The following STXBP5L variants were observed in gnomAD, a reference collection of about 807,000 sequenced individuals.
STXBP5L encodes syntaxin binding protein 5L, also known as syntaxin-binding protein 5-like.
In STXBP5L, 65 loss-of-function variants were observed where a neutral mutation model predicts 144.5. The observed-to-expected ratio is 0.45, with a 90% confidence interval of 0.37 to 0.55. The LOEUF is 0.55. Ranked by LOEUF, STXBP5L falls within the 20% of genes least tolerant of loss-of-function variation. The probability of loss-of-function intolerance (pLI) is 0.00; values close to 1 mark genes in which losing one functional copy is unlikely to be tolerated. For synonymous variants in STXBP5L, 505 were observed against 469.6 expected (o/e 1.08, Z -0.97); for missense variants, 1,298 against 1,405.5 (o/e 0.92, Z 1.22).
At chr3:121,416,286 C>CA (rs1380197353) in intron 25 of STXBP5L, among the ~76,000 whole-genome samples, 1 of 151,212 alleles carries the variant, frequency 6.6e-6, no homozygotes, top group Non-Finnish European at 1.5e-5. Context: ...TGAAGGTATT[C>CA]AAAAAAGTCT....
At chr3:121,246,761 A>G (rs571886721) in intron 14 of STXBP5L, among the ~76,000 whole-genome samples, 2 of 152,348 alleles carry the variant, frequency 1.3e-5, no homozygotes, top group South Asian at 4.1e-4. Context: ...AAAAAGGAAC[A>G]AATTATTAAT....
intron 12 of STXBP5L, 100 bp from the exon 13 acceptor site, chr3:121,238,871 T>G (rs1396313364): frequency 3.4e-6 from 4 of 1,189,694 alleles, no homozygotes; most frequent in Admixed American, 3.7e-5. Flanking sequence ...AAGCAAAATT[T>G]ATAGTGATGT....
chr3:120,985,359 A>G (rs1013617450), intron 3 of STXBP5L, among the ~76,000 whole-genome samples: 11 of 152,208 alleles, frequency 7.2e-5, no homozygotes, highest in Admixed American at 2.0e-4. Flanking sequence ...GTATGTATAC[A>G]TGGCAAAATG....
At chr3:121,125,383 A>T (rs2044659354) in intron 7 of STXBP5L, among the ~76,000 whole-genome samples, 1 of 152,050 alleles carries the variant, frequency 6.6e-6, no homozygotes, top group South Asian at 2.1e-4. Context: ...AAGCAAGAGA[A>T]TTGCTTGAAC....
intron 19 of STXBP5L, among the ~76,000 whole-genome samples, chr3:121,297,410 C>T (rs536403814): frequency 2.3e-4 from 35 of 152,054 alleles, no homozygotes; most frequent in African/African-American, 8.2e-4. Context: ...CCATAGAGAC[C>T]CAAATTGAAA....
chr3:120,983,967 G>A (rs1371241502), intron 3 of STXBP5L, among the ~76,000 whole-genome samples: 1 of 152,184 alleles, frequency 6.6e-6, no homozygotes, highest in East Asian at 1.9e-4. Flanking sequence ...TCTTAACTGT[G>A]GCATCCCTGG....
At chr3:120,975,752 A>G (rs1940909539) in intron 3 of STXBP5L, among the ~76,000 whole-genome samples, 1 of 152,146 alleles carries the variant, frequency 6.6e-6, no homozygotes, top group South Asian at 2.1e-4. Flanking sequence ...TTTTAGCATG[A>G]AGAGTTGTTG....
At chr3:121,059,833 C>G (rs922412790) in intron 5 of STXBP5L, among the ~76,000 whole-genome samples, 1 of 152,150 alleles carries the variant, frequency 6.6e-6, no homozygotes, top group Non-Finnish European at 1.5e-5. Context: ...TATTCTGAGA[C>G]TTTGCTTAAG....
chr3:121,389,983 G>A (rs2046535506), intron 22 of STXBP5L, among the ~76,000 whole-genome samples: 1 of 152,170 alleles, frequency 6.6e-6, no homozygotes, highest in Non-Finnish European at 1.5e-5. Context: ...GTTGACAGTG[G>A]GGTGTTAAAG....
intron 5 of STXBP5L, among the ~76,000 whole-genome samples, chr3:121,064,672 AT>A (rs796264616): frequency 1.7e-4 from 26 of 152,010 alleles, no homozygotes; most frequent in Admixed American, 2.0e-4. Flanking sequence ...ACATTTATAG[AT>A]TTTTTTGTAG....
intron 3 of STXBP5L, among the ~76,000 whole-genome samples, chr3:121,010,219 A>T (rs185845643): frequency 6.6e-5 from 10 of 151,898 alleles, no homozygotes; most frequent in African/African-American, 2.4e-4. Context: ...GTACATAATT[A>T]TTTAGGTAAA....
At chr3:121,091,594 T>C (rs1333285267) in intron 5 of STXBP5L, among the ~76,000 whole-genome samples, 3 of 152,236 alleles carry the variant, frequency 2.0e-5, no homozygotes, top group Non-Finnish European at 4.4e-5. Context: ...GAAGTGTATG[T>C]TCATGTCCTT....
At chr3:120,916,627 CTT>C in intron 2 of STXBP5L, among the ~76,000 whole-genome samples, 1 of 152,090 alleles carries the variant, frequency 6.6e-6, no homozygotes, top group East Asian at 1.9e-4. Context: ...ATAAATATCT[CTT>C]TGAATTGACA....
At chr3:120,944,432 AAGTT>A (rs1710737857) in intron 2 of STXBP5L, among the ~76,000 whole-genome samples, 1 of 151,732 alleles carries the variant, frequency 6.6e-6, no homozygotes, top group South Asian at 2.1e-4. Flanking sequence ...GAAGAGAAAA[AAGTT>A]AGATATAAAA....
At chr3:121,190,677 G>T (rs1376956485) in intron 9 of STXBP5L, among the ~76,000 whole-genome samples, 1 of 151,874 alleles carries the variant, frequency 6.6e-6, no homozygotes, top group Non-Finnish European at 1.5e-5. Flanking sequence ...CTGGCTGGGC[G>T]GCGGCTGCCC....
chr3:120,970,121 C>T (rs540073272), intron 3 of STXBP5L, among the ~76,000 whole-genome samples: 63 of 152,046 alleles, frequency 4.1e-4, no homozygotes, highest in Admixed American at 5.9e-4. Context: ...TTTCAGTTTA[C>T]GTCTTTTTAT....
At chr3:120,982,377 G>T (rs1169931765) in intron 3 of STXBP5L, among the ~76,000 whole-genome samples, 1 of 152,212 alleles carries the variant, frequency 6.6e-6, no homozygotes, top group Admixed American at 6.5e-5. Context: ...CATCAGCACT[G>T]ACATGAGTGG....
intron 10 of STXBP5L, among the ~76,000 whole-genome samples, chr3:121,220,798 G>C (rs1423146074): frequency 6.6e-6 from 1 of 152,004 alleles, no homozygotes; most frequent in African/African-American, 2.4e-5. Flanking sequence ...GTACTCACTA[G>C]CTGCTTGACC....
rs529646922 is a variant in STXBP5L at position 121,343,268 on chromosome 3, G to A, written c.2176+24728G>A. Among the ~76,000 whole-genome samples the A allele has an allele frequency of 2.0e-3, 298 of 151,944 alleles. 5 individuals carry two copies. Among genetic ancestry groups the A allele is most frequent in the African/African-American group, 6.7e-3 (278 of 41,442 alleles). ...GCCCTTTGTCAGATGGGTAGGTTGCGAAAATTTTCTCCCATTTTGTAGGTT... is the reference window on the plus strand; with the variant it reads ...GCCCTTTGTCAGATGGGTAGGTTGCAAAAATTTTCTCCCATTTTGTAGGTT... On this transcript the variant is annotated intron_variant, in intron 20 of 26. Transcript: ENST00000471454.
Sources: gnomAD v4.1 joint callset for allele counts (sites outside exome capture counted in the v4.1 genomes callset) on GRCh38, gnomAD v4.1.1 for gene constraint, MANE v1.5 for transcripts, NCBI Gene and HGNC (gene_info 2026-07-23, HGNC 2026-07-21) for gene names.